MYOM2: variants seen among roughly 807,000 people sequenced by gnomAD.
The protein encoded by MYOM2 is myomesin-2.
MYOM2 carries 254 observed loss-of-function variants against 187.6 expected under a neutral mutation model. The ratio of observed to expected loss-of-function variants is 1.35; its 90% CI spans 1.22 to 1.50. MYOM2 has a LOEUF of 1.50. Among genes scored for constraint, MYOM2 ranks in the 40% most tolerant of loss-of-function variants. The probability of loss-of-function intolerance (pLI) is 0.00; values close to 1 mark genes in which losing one functional copy is unlikely to be tolerated. For synonymous variants in MYOM2, 981 were observed against 753.8 expected (o/e 1.30, Z -4.94); for missense variants, 2,796 against 1,924.0 (o/e 1.45, Z -8.48).
intron 14 of MYOM2, among the ~76,000 whole-genome samples, chr8:2,086,827 C>T (rs554884243): frequency 6.6e-6 from 1 of 152,328 alleles, no homozygotes; most frequent in South Asian, 2.1e-4. Context: ...TTCCAGATTC[C>T]TCGATGGCCA....
chr8:2,060,805 C>T (rs957220617), intron 6 of MYOM2, among the ~76,000 whole-genome samples: 1 of 150,222 alleles, frequency 6.7e-6, no homozygotes, highest in Non-Finnish European at 1.5e-5. Context: ...GTTATCCTGA[C>T]ACTCGTTAAG....
In MYOM2 at chr8:2,069,342, A is replaced by G; in HGVS notation, c.718A>G (p.Thr240Ala). 6.2e-7 allele frequency: 1 copy of G among 1,614,026 alleles called. No homozygotes were observed. The highest frequency in any genetic ancestry group is 1.1e-5 in the South Asian group (1 of 91,078). Residue 240 changes from threonine to alanine, a missense_variant, in exon 7 of 37, where the codon ACC becomes GCC. Thr to Ala is a moderately conservative substitution (Grantham distance 58, BLOSUM62 0). Coordinates refer to ENST00000262113, the MANE Select transcript of MYOM2 (RefSeq NM_003970.4). ...VATNAHGQVS[T>A]NAAVVVRRFR... ...CACCAATGCCCACGGACAAGTGTCC[A>G]CCAACGCGGCGGTGGTGGTGAGAAG...
At chr8:2,134,163 C>T (rs1797975477) in intron 32 of MYOM2, among the ~76,000 whole-genome samples, 1 of 152,172 alleles carries the variant, frequency 6.6e-6, no homozygotes, top group East Asian at 1.9e-4. Flanking sequence ...CGCCCTTTTG[C>T]ATGTTCCTGT....
chr8:2,143,302 C>T, intron 35 of MYOM2, 99 bp from the exon 36 acceptor site: 1 of 1,338,364 alleles, frequency 7.5e-7, no homozygotes, highest in South Asian at 1.2e-5. Context: ...ATAAACTCCT[C>T]ACCACATTCA....
intron 18 of MYOM2, 111 bp from the exon 19 acceptor site, chr8:2,098,746 G>A (rs2294065): frequency 1.6e-6 from 2 of 1,225,842 alleles, no homozygotes; most frequent in African/African-American, 1.5e-5. Flanking sequence ...TCCCGACAAG[G>A]TTCCTTCCTC....
chr8:2,128,322 T>C (rs548149230), intron 31 of MYOM2, among the ~76,000 whole-genome samples: 4 of 151,906 alleles, frequency 2.6e-5, no homozygotes, highest in Admixed American at 2.6e-4. Flanking sequence ...AATGAAAAAT[T>C]ACTATTTAAA....
At chr8:2,099,713 C>G (rs563829557) in intron 19 of MYOM2, among the ~76,000 whole-genome samples, 2 of 152,220 alleles carry the variant, frequency 1.3e-5, no homozygotes, top group Non-Finnish European at 2.9e-5. Flanking sequence ...TGTCACCATG[C>G]CCTGCTAACA....
At chr8:2,092,712 A>G (rs1376066729) in intron 16 of MYOM2, among the ~76,000 whole-genome samples, 192 bp downstream of exon 16, 1 of 152,234 alleles carries the variant, frequency 6.6e-6, no homozygotes, top group East Asian at 1.9e-4. Flanking sequence ...GCACTTGCTC[A>G]TGTCGACCGA....
At position 2,085,242 on chromosome 8, in the gene MYOM2, C is replaced by T. The variant is rs201526000; in HGVS notation, c.1517-21C>T. 21 of 1,612,552 alleles carry T rather than the reference C, an allele frequency of 1.3e-5. 2 individuals carry two copies. In the South Asian group the frequency reaches 1.5e-4, roughly 12 times the overall value. On this transcript the variant is annotated intron_variant, in intron 13 of 36. Coordinates refer to ENST00000262113, the MANE Select transcript of MYOM2 (RefSeq NM_003970.4). ...GCTGATGGGGGTCCTTCAGCACTCA[C>T]CGAATTTATTATTCCTCCAGGTGAC...
chr8:2,087,547 T>C (rs1386435120), intron 14 of MYOM2, among the ~76,000 whole-genome samples: 1 of 152,140 alleles, frequency 6.6e-6, no homozygotes, highest in Non-Finnish European at 1.5e-5. Flanking sequence ...GTGGAAGGTA[T>C]TTTCTCAGGC....
chr8:2,117,039 AG>A (rs1259782409), intron 27 of MYOM2, among the ~76,000 whole-genome samples: 2 of 152,256 alleles, frequency 1.3e-5, no homozygotes, highest in African/African-American at 2.4e-5. Flanking sequence ...CTGGGATTAC[AG>A]GGGTGATCCA....
Position 2,140,780 on chromosome 8 carries a change from T to C in MYOM2, c.3858T>C (p.Ala1286=), listed in dbSNP as rs3736655. 3,854 of 1,613,360 alleles carry C rather than the reference T, an allele frequency of 2.4e-3. 60 individuals are homozygous for C. The East Asian group carries it at 0.035, about 14-fold the overall frequency. The stretch of plus-strand genomic sequence containing the variant: ...GAATCGGGGGGAGTGAAGAGATGGC[T>C]TGGCTGCAGATATGTGAGCCGACTG... ...HMRIGGSEEM[A]WLQICEPTEK... The change falls in exon 33 of 37, where the codon GCT becomes GCC. Residue 1286 remains alanine, a synonymous_variant. Coordinates refer to ENST00000262113, the MANE Select transcript of MYOM2 (RefSeq NM_003970.4).
At chr8:2,129,667 A>G (rs1191489340) in intron 32 of MYOM2, among the ~76,000 whole-genome samples, 1 of 152,134 alleles carries the variant, frequency 6.6e-6, no homozygotes, top group Non-Finnish European at 1.5e-5. Context: ...AGAAAACAAG[A>G]CCAAGCCTGA....
intron 35 of MYOM2, 131 bp downstream of exon 35, chr8:2,142,528 A>G (rs1044525047): frequency 5.8e-6 from 5 of 859,348 alleles, no homozygotes; most frequent in Non-Finnish European, 1.0e-5. Flanking sequence ...TAACAACGCC[A>G]CCAACACCAC....
Position 2,116,236 on chromosome 8 carries a change from G to C in MYOM2, c.3346G>C (p.Glu1116Gln). The C allele has an allele frequency of 6.2e-7, 1 of 1,612,452 alleles. No individual in the cohort carries two copies. The highest frequency in any genetic ancestry group is 2.2e-5 in the East Asian group (1 of 44,818). Residue 1116 changes from glutamate (E) to glutamine (Q), a missense_variant, in exon 27 of 37, where the codon GAG becomes CAG. Transcript: ENST00000262113. ...TTTAGCATTCAAGACTGTGCTGGAAGAGGCTGAGTTTCAAAGGAAAGAATT... is the reference window on the plus strand; with the variant it reads ...TTTAGCATTCAAGACTGTGCTGGAACAGGCTGAGTTTCAAAGGAAAGAATT... ...IGDAFKTVLE[E>Q]AEFQRKEFLR...
In MYOM2 at chr8:2,050,782, G is replaced by A; in HGVS notation, c.16G>A (p.Val6Ile). Reference protein sequence around the residue: MSLVTVPFYQKRHRHF... With the variant: MSLVTIPFYQKRHRHF... ...GCACGCCAAGATGTCCCTTGTGACT[G>A]TCCCCTTCTACCAGAAGAGACATAG... The change falls in exon 2 of 37, where the codon GTC becomes ATC. Residue 6 changes from valine (V) to isoleucine (I), a missense_variant. Coordinates refer to ENST00000262113, the MANE Select transcript of MYOM2 (RefSeq NM_003970.4). 1 of 1,612,356 alleles carries A rather than the reference G, an allele frequency of 6.2e-7. No homozygotes were observed.
At chr8:2,122,710 C>T (rs917389339) in intron 28 of MYOM2, among the ~76,000 whole-genome samples, 4 of 152,162 alleles carry the variant, frequency 2.6e-5, no homozygotes, top group African/African-American at 4.8e-5. Context: ...CATTTATCTT[C>T]GGAGTTCCGC....
chr8:2,120,680 T>TATATATATTTCCTGTATATATA, intron 28 of MYOM2, among the ~76,000 whole-genome samples: 1,234 of 48,288 alleles, frequency 0.026, 155 homozygotes, highest in African/African-American at 0.076. Context: ...ATATATTATA[T>TATATATATTTCCTGTATATATA]TATATATAAA....
chr8:2,089,337 C>A (rs1297462168), intron 14 of MYOM2, among the ~76,000 whole-genome samples: 1 of 144,828 alleles, frequency 6.9e-6, no homozygotes, highest in Admixed American at 7.3e-5. Flanking sequence ...AATAATTCCA[C>A]CATATAAAAT....
Sources: allele counts gnomAD v4.1 joint callset (sites outside exome capture counted in the v4.1 genomes callset), GRCh38; gene constraint gnomAD v4.1.1; transcripts MANE v1.5; gene names NCBI Gene and HGNC (gene_info 2026-07-23, HGNC 2026-07-21).